CAMTA1: variants seen among roughly 807,000 people sequenced by gnomAD.
The protein encoded by CAMTA1 is calmodulin-binding transcription activator 1.
In CAMTA1, 27 loss-of-function variants were observed where a neutral mutation model predicts 170.9. The observed-to-expected ratio is 0.16, with a 90% CI of 0.12 to 0.22. CAMTA1 has a LOEUF of 0.22. Ranked by LOEUF, CAMTA1 falls within the 10% of genes least tolerant of loss-of-function variation. The pLI is 1.00. For missense variants in CAMTA1, 1,619 were observed against 2,217.2 expected, an observed-to-expected ratio of 0.73 and a Z score of 5.42; for synonymous variants, 833 against 891.5, an observed-to-expected ratio of 0.93 and a Z score of 1.17.
At position 7,113,291 on chromosome 1, in the gene CAMTA1, A is replaced by G. The variant is rs770777247; in HGVS notation, c.302+21920A>G. On this transcript the variant is annotated intron_variant, in intron 4 of 22. Transcript: ENST00000303635. The surrounding 1 kb of genome is among the most constrained non-coding windows in gnomAD (Gnocchi z 4.5). ...GGTTGGCCGTGGGCTGGTCACTGCCATGTGGGCTTGGGTTGGCCTTCCCGT... is the reference window on the plus strand; with the variant it reads ...GGTTGGCCGTGGGCTGGTCACTGCCGTGTGGGCTTGGGTTGGCCTTCCCGT... Among the ~76,000 whole-genome samples the G allele has an allele frequency of 6.6e-6, 1 of 152,224 alleles. No homozygotes were observed. Among genetic ancestry groups the G allele is most frequent in the Non-Finnish European group, 1.5e-5 (1 of 68,038 alleles).
At chr1:6,930,775 C>A (rs549381431) in intron 3 of CAMTA1, among the ~76,000 whole-genome samples, 6 of 152,338 alleles carry the variant, frequency 3.9e-5, no homozygotes, top group African/African-American at 1.4e-4. Context: ...GAAAAATGCT[C>A]ATTGGCTCTG....
intron 6 of CAMTA1, among the ~76,000 whole-genome samples, chr1:7,583,333 A>G (rs2095278143): frequency 6.6e-6 from 1 of 152,108 alleles, no homozygotes; most frequent in African/African-American, 2.4e-5. Flanking sequence ...CCCCTACACG[A>G]TGGGAAGTAA....
chr1:7,331,491 A>G (rs559012026), intron 5 of CAMTA1, among the ~76,000 whole-genome samples: 1 of 152,318 alleles, frequency 6.6e-6, no homozygotes, highest in East Asian at 1.9e-4. Context: ...AACTGAGGAA[A>G]ATTAAAACAA....
At chr1:6,895,466 A>G (rs1027399965) in intron 3 of CAMTA1, among the ~76,000 whole-genome samples, 13 of 152,190 alleles carry the variant, frequency 8.5e-5, no homozygotes, top group African/African-American at 3.1e-4. Flanking sequence ...CTCCCCTTGG[A>G]ATAGATTCCC....
rs901469922 is a variant in CAMTA1, at chr1:7,322,271, C to T, written c.438+72645C>T. ...TTGTCGGCCCCACAATCGAAGGCTC[C>T]CTGGCTTTCTCATTTGGTTTCCAAT... On this transcript the variant is annotated intron_variant, in intron 5 of 22. Transcript: ENST00000303635. 2.6e-5 allele frequency among the ~76,000 whole-genome samples: 4 copies of T among 152,262 alleles called. No homozygotes were observed. The East Asian group carries it at 7.7e-4, about 29-fold the overall frequency.
rs568336213 is a variant in CAMTA1, at chr1:7,409,180, G to C, written c.439-58650G>C. On this transcript the variant is annotated intron_variant, in intron 5 of 22. Coordinates refer to ENST00000303635, the MANE Select transcript of CAMTA1 (RefSeq NM_015215.4). The stretch of plus-strand genomic sequence containing the variant: ...GAAGAAAACTGGGTCCACCTACTCA[G>C]GGCATGCAGGCTGGACTTCCGTCAT... Among the ~76,000 whole-genome samples, 3 of 152,352 alleles carry C rather than the reference G, an allele frequency of 2.0e-5. No homozygotes were observed. The East Asian group carries it at 5.8e-4, about 29-fold the overall frequency.
intron 6 of CAMTA1, among the ~76,000 whole-genome samples, chr1:7,498,058 G>T (rs984582768): frequency 2.6e-5 from 4 of 152,104 alleles, no homozygotes; most frequent in Non-Finnish European, 4.4e-5. Context: ...TGGAAAGAGG[G>T]GGTGAGAGTG....
At chr1:7,189,341 T>C (rs139424798) in intron 4 of CAMTA1, among the ~76,000 whole-genome samples, 5 of 152,186 alleles carry the variant, frequency 3.3e-5, no homozygotes, top group African/African-American at 1.2e-4. Context: ...CCATGACATA[T>C]TGCTAAGTGA....
At position 7,126,343 on chromosome 1, in the gene CAMTA1, C is replaced by T. The variant is rs369919511; in HGVS notation, c.302+34972C>T. On this transcript the variant is annotated intron_variant, in intron 4 of 22. Coordinates refer to ENST00000303635, the MANE Select transcript of CAMTA1 (RefSeq NM_015215.4). ...CAGCTTTCCCCATCCGTGCCTTCTACCCCCTCCCTAATTCAATCTGCTGCA... is the reference window on the plus strand; with the variant it reads ...CAGCTTTCCCCATCCGTGCCTTCTATCCCCTCCCTAATTCAATCTGCTGCA... Among the ~76,000 whole-genome samples the T allele has an allele frequency of 6.6e-4, 101 of 152,280 alleles. 1 individual carries two copies. The East Asian group carries it at 0.014, about 22-fold the overall frequency.
At chr1:6,919,115 T>A (rs1037381504) in intron 3 of CAMTA1, among the ~76,000 whole-genome samples, 4 of 152,262 alleles carry the variant, frequency 2.6e-5, no homozygotes, top group African/African-American at 9.6e-5. Context: ...CGGAGGTTTG[T>A]GTGTTTCTCT....
At chr1:7,537,115 C>T (rs1018098651) in intron 6 of CAMTA1, among the ~76,000 whole-genome samples, 2 of 152,194 alleles carry the variant, frequency 1.3e-5, no homozygotes, top group African/African-American at 4.8e-5. Context: ...CGGGCGCCTC[C>T]TCCCCCACAG....
At chr1:7,163,743 A>G (rs986406743) in intron 4 of CAMTA1, among the ~76,000 whole-genome samples, 6 of 152,126 alleles carry the variant, frequency 3.9e-5, no homozygotes, top group South Asian at 2.1e-4. Flanking sequence ...CAGTATGTCA[A>G]TGATCCTCTG....
chr1:7,019,489 G>T (rs1462406351), intron 3 of CAMTA1, among the ~76,000 whole-genome samples: 1 of 152,206 alleles, frequency 6.6e-6, no homozygotes, highest in African/African-American at 2.4e-5. Context: ...GGGTCACAAA[G>T]CTCTGAAATG....
chr1:7,620,602 G>T (rs918615866), intron 6 of CAMTA1, among the ~76,000 whole-genome samples: 1 of 152,180 alleles, frequency 6.6e-6, no homozygotes, highest in African/African-American at 2.4e-5. Flanking sequence ...ATCTTACTGG[G>T]AGGCTGTCAG....
At chr1:7,344,302 C>T (rs1212602642) in intron 5 of CAMTA1, among the ~76,000 whole-genome samples, 1 of 152,214 alleles carries the variant, frequency 6.6e-6, no homozygotes, top group African/African-American at 2.4e-5. Context: ...GTGAGCTTTC[C>T]AGACACCCAG....
chr1:7,126,335 G>A (rs1201882614), intron 4 of CAMTA1, among the ~76,000 whole-genome samples: 3 of 152,122 alleles, frequency 2.0e-5, no homozygotes, highest in Non-Finnish European at 4.4e-5. Flanking sequence ...CCCCATCCGT[G>A]CCTTCTACCC....
chr1:7,568,582 AACATCACCATCATCATCACC>A (rs1324739104), intron 6 of CAMTA1, among the ~76,000 whole-genome samples: 1 of 145,784 alleles, frequency 6.9e-6, no homozygotes, highest in African/African-American at 2.7e-5. Flanking sequence ...AACCATCATC[AACATCACCATCATCATCACC>A]ACATCACCAT....
chr1:7,331,509 C>T (rs1368718593), intron 5 of CAMTA1, among the ~76,000 whole-genome samples: 1 of 152,198 alleles, frequency 6.6e-6, no homozygotes, highest in Non-Finnish European at 1.5e-5. Flanking sequence ...CAAGAGAATA[C>T]ACAAGCACTG....
At chr1:7,497,937 C>T (rs1317642116) in intron 6 of CAMTA1, among the ~76,000 whole-genome samples, 1 of 152,176 alleles carries the variant, frequency 6.6e-6, no homozygotes, top group East Asian at 1.9e-4. Flanking sequence ...GACGGGGCTG[C>T]TCGGAAGACA....
Sources: allele counts gnomAD v4.1 joint callset (sites outside exome capture counted in the v4.1 genomes callset), GRCh38; gene constraint gnomAD v4.1.1; non-coding constraint Gnocchi (gnomAD v3.1); transcripts MANE v1.5; gene names NCBI Gene and HGNC (gene_info 2026-07-23, HGNC 2026-07-21).